Variants in GGA2 observed in about 807,000 individuals in gnomAD.
The protein encoded by GGA2 is golgi associated, gamma adaptin ear containing, ARF binding protein 2.
Under a neutral mutation model 79.5 loss-of-function variants are expected in GGA2, and 48 were observed. That is an observed-to-expected ratio of 0.60 (90% CI 0.48 to 0.77). GGA2 has a LOEUF of 0.77. GGA2 is among the 30% of genes least tolerant of loss of function. The pLI is 0.00. For missense variants in GGA2, 770 were observed against 774.0 expected (o/e 0.99, Z 0.06); for synonymous variants, 317 against 302.0 (o/e 1.05, Z -0.51).
At chr16:23,494,117 G>C in intron 3 of GGA2, 186 bp downstream of exon 3, 1 of 598,110 alleles carries the variant, frequency 1.7e-6, no homozygotes, top group South Asian at 2.1e-5. Flanking sequence ...AGAAACAGAC[G>C]AGAAACAGGA....
chr16:23,508,046 T>C (rs1964992668), intron 1 of GGA2, among the ~76,000 whole-genome samples: 1 of 151,784 alleles, frequency 6.6e-6, no homozygotes, highest in Non-Finnish European at 1.5e-5. Flanking sequence ...GGCAGCTACT[T>C]TCTCTTACTC....
At chr16:23,495,097 GAAAAGAAAACAAAACA>G (rs1964838671) in intron 2 of GGA2, among the ~76,000 whole-genome samples, 2 of 149,744 alleles carry the variant, frequency 1.3e-5, no homozygotes, top group Non-Finnish European at 3.0e-5. Context: ...AAAAAGAAAA[GAAAAGAAAACAAAACA>G]AAAACAAAAC....
At chr16:23,496,955 T>TAA (rs572552890) in intron 1 of GGA2, among the ~76,000 whole-genome samples, 10 of 123,084 alleles carry the variant, frequency 8.1e-5, no homozygotes, top group Admixed American at 2.5e-4. Flanking sequence ...AGACTCCATC[T>TAA]AAAAAAAAAA....
rs562848148 is a variant in GGA2 at position 23,491,522 on chromosome 16, T to A, written c.475+155A>T. On this transcript the variant is annotated intron_variant, in intron 5 of 16. Transcript: ENST00000309859. ...TTTTAAAGGTAAGTAGATAAAAGAT[T>A]TATTGCGTAAAAAAAAAAAAAAAAA... Among the ~76,000 whole-genome samples, 19 of 107,276 alleles carry A rather than the reference T, an allele frequency of 1.8e-4. No homozygotes were observed. The East Asian group carries it at 3.0e-3, about 17-fold the overall frequency. 70.4% of individuals were successfully genotyped at this position (107,276 alleles called of 152,430 possible). A position where few individuals can be genotyped will look rare whatever the true frequency, so the allele number is the denominator to read the frequency against.
chr16:23,484,009 C>T (rs1018600930), intron 8 of GGA2, among the ~76,000 whole-genome samples: 15 of 150,052 alleles, frequency 1.0e-4, no homozygotes, highest in African/African-American at 3.7e-4. Flanking sequence ...AAAAAAAAGG[C>T]CAGGCATGGT....
chr16:23,511,975 T>TCAGCTGTCTA (rs112294873), upstream of GGA2, among the ~76,000 whole-genome samples: 129,931 of 151,856 alleles, frequency 0.86, 55,781 homozygotes, highest in Middle Eastern at 0.91. Flanking sequence ...TGCATTGGTA[T>TCAGCTGTCTA]CAACTTAACA....
intron 8 of GGA2, among the ~76,000 whole-genome samples, chr16:23,484,538 C>T (rs916427766): frequency 1.3e-5 from 2 of 152,154 alleles, no homozygotes; most frequent in Non-Finnish European, 2.9e-5. Flanking sequence ...ATATAAAAAA[C>T]GCTTGTAACT....
At chr16:23,499,864 A>G (rs1964900509) in intron 1 of GGA2, among the ~76,000 whole-genome samples, 1 of 152,176 alleles carries the variant, frequency 6.6e-6, no homozygotes, top group African/African-American at 2.4e-5. Context: ...AATGAAAGGT[A>G]GGGGTGGGGC....
chr16:23,495,047 T>C, intron 2 of GGA2, among the ~76,000 whole-genome samples: 1 of 150,566 alleles, frequency 6.6e-6, no homozygotes, highest in South Asian at 2.1e-4. Flanking sequence ...ATCGTGCCCT[T>C]GCACTCCAGT....
At chr16:23,476,118 C>T (rs552671622) in intron 13 of GGA2, among the ~76,000 whole-genome samples, 2 of 152,274 alleles carry the variant, frequency 1.3e-5, no homozygotes, top group South Asian at 4.1e-4. Context: ...AGATGATACA[C>T]AAATTATACC....
At chr16:23,483,344 T>C (rs1964672751) in intron 8 of GGA2, among the ~76,000 whole-genome samples, 1 of 152,166 alleles carries the variant, frequency 6.6e-6, no homozygotes, top group East Asian at 1.9e-4. Context: ...CTGTCTCTAC[T>C]AAAAATACAA....
rs1964994121 is a variant in GGA2 at position 23,508,118 on chromosome 16, A to AGC, written c.91+2201_91+2202dup. ...CGCCTTGTCACCTAGGCTGGAGTGC[A>AGC]GCGGTGCAATCTTGGCTCCACCTCC... On this transcript the variant is annotated intron_variant, in intron 1 of 16. Transcript: ENST00000309859. Among the ~76,000 whole-genome samples, 5 of 148,260 alleles carry AGC rather than the reference A, an allele frequency of 3.4e-5. No homozygotes were observed. In the South Asian group the frequency reaches 1.1e-3, roughly 31 times the overall value.
At chr16:23,520,209 C>T (rs1006685595) in intron 1 of GGA2, among the ~76,000 whole-genome samples, 3 of 150,064 alleles carry the variant, frequency 2.0e-5, no homozygotes, top group South Asian at 2.1e-4. Context: ...GCCAAGATCA[C>T]GCCATTGCAT....
At chr16:23,469,104 T>C (rs1207496307) in intron 15 of GGA2, 108 bp from the exon 16 acceptor site, 2 of 692,296 alleles carry the variant, frequency 2.9e-6, no homozygotes, top group African/African-American at 1.7e-5. Flanking sequence ...CAAGAGGAAA[T>C]GGCCCTCTTA....
chr16:23,493,134 C>T (rs1437084472), intron 4 of GGA2, among the ~76,000 whole-genome samples: 1 of 152,216 alleles, frequency 6.6e-6, no homozygotes, highest in African/African-American at 2.4e-5. Flanking sequence ...GCCACACGTT[C>T]CCCAGGCCTT....
At chr16:23,511,661 C>T (rs944840467), upstream of GGA2, among the ~76,000 whole-genome samples, 3 of 152,140 alleles carry the variant, frequency 2.0e-5, no homozygotes, top group Non-Finnish European at 4.4e-5. Context: ...TTCTGCATCA[C>T]ACAGTACACC....
At chr16:23,474,019 T>C (rs1453289458) in intron 14 of GGA2, among the ~76,000 whole-genome samples, 8 of 152,210 alleles carry the variant, frequency 5.3e-5, no homozygotes, top group African/African-American at 7.2e-5. Flanking sequence ...ACAGACGACC[T>C]GAGTTGTGTC....
intron 11 of GGA2, 120 bp from the exon 12 acceptor site, chr16:23,479,031 CT>C (rs1328614417): frequency 2.6e-6 from 2 of 761,534 alleles, no homozygotes; most frequent in Non-Finnish European, 4.7e-6. Flanking sequence ...AAGCAACTTA[CT>C]GAAGGTCATG....
At chr16:23,485,025 T>C (rs2369013) in intron 8 of GGA2, among the ~76,000 whole-genome samples, 108,533 of 152,132 alleles carry the variant, frequency 0.71, 39,794 homozygotes, top group Non-Finnish European at 0.81. Flanking sequence ...AACTGTGGCA[T>C]AGCCACACAA....
Sources: gnomAD v4.1 joint callset for allele counts (sites outside exome capture counted in the v4.1 genomes callset) on GRCh38, gnomAD v4.1.1 for gene constraint, MANE v1.5 for transcripts, NCBI Gene and HGNC (gene_info 2026-07-23, HGNC 2026-07-21) for gene names.